JAM2: variants seen among roughly 807,000 people sequenced by gnomAD.
JAM2 encodes the protein junctional adhesion molecule B.
JAM2 carries 17 observed loss-of-function variants against 42.0 expected under a neutral mutation model. The ratio of observed to expected loss-of-function variants is 0.40; its 90% CI spans 0.28 to 0.61. The LOEUF (loss-of-function observed/expected upper bound fraction) is 0.61. Ranked by LOEUF, JAM2 falls within the 20% of genes least tolerant of loss-of-function variation. The pLI, the probability that JAM2 is intolerant of heterozygous loss-of-function variation, is 0.37. For missense variants in JAM2, 319 were observed against 358.3 expected (o/e 0.89, Z 0.89); for synonymous variants, 118 against 128.6 (o/e 0.92, Z 0.56).
rs969630235 is a variant in JAM2, at chr21:25,679,305, C to G, written c.68-4578C>G. 1.3e-4 allele frequency among the ~76,000 whole-genome samples: 20 copies of G among 152,268 alleles called. 2 individuals carry two copies. Among genetic ancestry groups the G allele is most frequent in the Middle Eastern group, 6.8e-3 (2 of 294 alleles). On this transcript the variant is annotated intron_variant, in intron 1 of 9. Coordinates refer to ENST00000480456, the MANE Select transcript of JAM2 (RefSeq NM_021219.4). ...AATTCTCTTTCATAGTTACACAATT[C>G]TGATTTTATACAAACTTTTCAAAAT...
At chr21:25,685,938 C>T (rs1242504691) in intron 2 of JAM2, among the ~76,000 whole-genome samples, 1 of 152,196 alleles carries the variant, frequency 6.6e-6, no homozygotes, top group Non-Finnish European at 1.5e-5. Context: ...TATATCCTCT[C>T]CCATCATATC....
chr21:25,693,489 C>G (rs1401919962), intron 3 of JAM2, among the ~76,000 whole-genome samples: 2 of 152,102 alleles, frequency 1.3e-5, no homozygotes, highest in African/African-American at 4.8e-5. Flanking sequence ...GAACTCCTGA[C>G]TTAGTGATCT....
chr21:25,716,790 G>A lies in JAM2; in HGVS notation c.*2118G>A, dbSNP rs1463002662. Reference sequence around the variant, plus strand: ...TACAGAAAAAAACACCTGTCTACAAGCTTTTGTAAGAAATCAGGCTAAATG... The same window carrying A: ...TACAGAAAAAAACACCTGTCTACAAACTTTTGTAAGAAATCAGGCTAAATG... On this transcript the variant is annotated 3_prime_UTR_variant, in exon 10 of 10. Transcript: ENST00000480456. The A allele has an allele frequency of 6.6e-6, 1 of 152,198 alleles. No homozygotes were observed. The highest frequency in any genetic ancestry group is 2.4e-5 in the African/African-American group (1 of 41,442). The allele number at this position is 152,198 out of a possible 1,614,324, so 9.4% of individuals were successfully genotyped here. A position where few individuals can be genotyped will look rare whatever the true frequency, so the allele number is the denominator to read the frequency against.
intron 1 of JAM2, among the ~76,000 whole-genome samples, chr21:25,642,575 G>C (rs887515736): frequency 2.6e-5 from 4 of 151,864 alleles, no homozygotes; most frequent in Non-Finnish European, 5.9e-5. Context: ...ATCTTTCTTA[G>C]TAGTCTGGAG....
chr21:25,682,026 TAGTATC>T (rs1170809675), intron 1 of JAM2, among the ~76,000 whole-genome samples: 1 of 152,210 alleles, frequency 6.6e-6, no homozygotes, highest in Non-Finnish European at 1.5e-5. Flanking sequence ...AACTCTTCCT[TAGTATC>T]AGTTTGATCC....
Position 25,698,761 on chromosome 21 carries a change from G to A in JAM2, c.479G>A (p.Gly160Glu), listed in dbSNP as rs752362595. The A allele has an allele frequency of 1.2e-6, 2 of 1,614,090 alleles. No homozygotes were observed. Among genetic ancestry groups the A allele is most frequent in the Admixed American group, 1.7e-5 (1 of 60,016 alleles). Residue 160 changes from glycine (G) to glutamate (E), a missense_variant, in exon 5 of 10, where the codon GGG becomes GAG. Gly to Glu is a moderately conservative substitution (Grantham distance 98). Coordinates refer to ENST00000480456, the MANE Select transcript of JAM2 (RefSeq NM_021219.4). Reference protein sequence around the residue: ...VVELRCQDKEGNPAPEYTWFK... With the variant: ...VVELRCQDKEENPAPEYTWFK... ...GAGCTACGATGTCAAGACAAAGAAGGGAATCCAGCTCCTGAATACACATGG... is the reference window on the plus strand; with the variant it reads ...GAGCTACGATGTCAAGACAAAGAAGAGAATCCAGCTCCTGAATACACATGG...
chr21:25,645,166 C>A (rs1600985462), intron 1 of JAM2, among the ~76,000 whole-genome samples: 1 of 152,206 alleles, frequency 6.6e-6, no homozygotes, highest in African/African-American at 2.4e-5. Context: ...CAGGCGTGAG[C>A]CACCGCGCCT....
At chr21:25,711,121 G>C (rs1318652772) in intron 8 of JAM2, among the ~76,000 whole-genome samples, 1 of 152,230 alleles carries the variant, frequency 6.6e-6, no homozygotes, top group East Asian at 1.9e-4. Flanking sequence ...GATTTTAAGA[G>C]GAGAGAGTTT....
At chr21:25,642,493 C>A (rs2032473998) in intron 1 of JAM2, among the ~76,000 whole-genome samples, 1 of 152,104 alleles carries the variant, frequency 6.6e-6, no homozygotes, top group South Asian at 2.1e-4. Flanking sequence ...CTTTTGGCCA[C>A]TCCTATCATT....
rs557403703 is a variant in JAM2, at chr21:25,654,244, G to A, written c.67+14356G>A. On this transcript the variant is annotated intron_variant, in intron 1 of 9. Coordinates refer to ENST00000480456, the MANE Select transcript of JAM2 (RefSeq NM_021219.4). ...ATTTGCAGCATGTAATTGACTTAGGGTATGATTATTAATGGCTAAAATCAT... is the reference window on the plus strand; with the variant it reads ...ATTTGCAGCATGTAATTGACTTAGGATATGATTATTAATGGCTAAAATCAT... Among the ~76,000 whole-genome samples, 22 of 152,264 alleles carry A rather than the reference G, an allele frequency of 1.4e-4. 1 individual carries two copies. The South Asian group carries it at 4.2e-3, about 29-fold the overall frequency.
At chr21:25,652,986 C>T (rs1377801440) in intron 1 of JAM2, among the ~76,000 whole-genome samples, 2 of 152,194 alleles carry the variant, frequency 1.3e-5, no homozygotes, top group Non-Finnish European at 2.9e-5. Flanking sequence ...TTCCAGGACT[C>T]AAGCTGAAGC....
At chr21:25,698,964 G>C (rs534505931) in intron 5 of JAM2, 85 bp downstream of exon 5, 9 of 1,193,912 alleles carry the variant, frequency 7.5e-6, no homozygotes, top group East Asian at 2.4e-5. Flanking sequence ...GTTTAATAGA[G>C]AGCTGATACC....
intron 2 of JAM2, among the ~76,000 whole-genome samples, chr21:25,684,339 G>A (rs1238629594): frequency 1.3e-5 from 2 of 152,146 alleles, no homozygotes; most frequent in Non-Finnish European, 1.5e-5. Flanking sequence ...GGGGTACCAT[G>A]TTCTTATCTA....
chr21:25,690,019 G>T, intron 3 of JAM2, 46 bp downstream of exon 3: 1 of 1,131,962 alleles, frequency 8.8e-7, no homozygotes. Flanking sequence ...AGAATGCCAA[G>T]TACAACCAGG....
intron 1 of JAM2, among the ~76,000 whole-genome samples, chr21:25,674,664 C>G (rs979834393): frequency 6.6e-6 from 1 of 151,842 alleles, no homozygotes; most frequent in African/African-American, 2.4e-5. Context: ...TGTGGCTTCC[C>G]TTTCTCTGAA....
intron 1 of JAM2, among the ~76,000 whole-genome samples, chr21:25,676,762 C>T (rs888031430): frequency 5.9e-5 from 9 of 152,144 alleles, no homozygotes; most frequent in African/African-American, 2.2e-4. Context: ...AAATAAAAAT[C>T]ACTTCAAGAA....
At chr21:25,666,640 G>T (rs1011222354) in intron 1 of JAM2, among the ~76,000 whole-genome samples, 1 of 152,164 alleles carries the variant, frequency 6.6e-6, no homozygotes, top group South Asian at 2.1e-4. Flanking sequence ...GGGCTCGAGT[G>T]ATCCTCCCAC....
At chr21:25,702,754 A>T (rs940719716) in intron 6 of JAM2, among the ~76,000 whole-genome samples, 15 of 152,186 alleles carry the variant, frequency 9.9e-5, no homozygotes, top group Non-Finnish European at 2.1e-4. Context: ...ATTATCATTT[A>T]AAAAAATTCA....
intron 1 of JAM2, among the ~76,000 whole-genome samples, chr21:25,667,640 G>A (rs1399144108): frequency 6.6e-6 from 1 of 152,082 alleles, no homozygotes; most frequent in Non-Finnish European, 1.5e-5. Flanking sequence ...ACATCCACTG[G>A]GGGTCTTGGA....
Sources: gnomAD v4.1 joint callset for allele counts (sites outside exome capture counted in the v4.1 genomes callset) on GRCh38, gnomAD v4.1.1 for gene constraint, MANE v1.5 for transcripts, NCBI Gene and HGNC (gene_info 2026-07-23, HGNC 2026-07-21) for gene names.